GPC5: variants seen among roughly 807,000 people sequenced by gnomAD.
GPC5 encodes glypican-5.
A neutral mutation model predicts 53.9 loss-of-function variants in GPC5; 47 were observed. The observed-to-expected ratio is 0.87, with a 90% CI of 0.69 to 1.11. GPC5 has a LOEUF of 1.11. Ranked by LOEUF, GPC5 falls within the 50% of genes most tolerant of loss-of-function variation. The pLI, the probability that GPC5 is intolerant of heterozygous loss-of-function variation, is 0.00. For missense variants in GPC5, 748 were observed against 713.1 expected, an observed-to-expected ratio of 1.05 and a Z score of -0.56; for synonymous variants, 286 against 263.3, an observed-to-expected ratio of 1.09 and a Z score of -0.84.
intron 1 of GPC5, among the ~76,000 whole-genome samples, chr13:91,426,326 G>C (rs1227367108): frequency 2.0e-5 from 3 of 152,122 alleles, no homozygotes; most frequent in African/African-American, 7.2e-5. Flanking sequence ...CTCTGCTGCT[G>C]TGTGCAGCAT....
intron 7 of GPC5, among the ~76,000 whole-genome samples, chr13:92,155,426 T>C (rs376790090): frequency 2.7e-4 from 41 of 152,292 alleles, no homozygotes; most frequent in African/African-American, 9.4e-4. Flanking sequence ...TATTTTGTGT[T>C]GGTAGCTCTG....
chr13:92,415,275 G>A (rs1876236973), intron 7 of GPC5, among the ~76,000 whole-genome samples: 1 of 152,218 alleles, frequency 6.6e-6, no homozygotes, highest in Non-Finnish European at 1.5e-5. Flanking sequence ...ACTCCAGAGA[G>A]TGGAGTGAAT....
intron 6 of GPC5, among the ~76,000 whole-genome samples, chr13:92,072,463 C>T (rs1365753191): frequency 1.3e-5 from 2 of 151,578 alleles, no homozygotes; most frequent in Non-Finnish European, 2.9e-5. Flanking sequence ...GACGGGGTTT[C>T]ACCATATTGG....
intron 2 of GPC5, among the ~76,000 whole-genome samples, chr13:91,581,740 C>T (rs1246265631): frequency 6.6e-6 from 1 of 152,058 alleles, no homozygotes; most frequent in Non-Finnish European, 1.5e-5. Flanking sequence ...AGTGTAACGA[C>T]TTCTCAATCA....
intron 2 of GPC5, among the ~76,000 whole-genome samples, chr13:91,645,075 G>T (rs2139515019): frequency 6.6e-6 from 1 of 152,286 alleles, no homozygotes; most frequent in Non-Finnish European, 1.5e-5. Context: ...TTCATTTCCT[G>T]GCTTTACCAC....
intron 2 of GPC5, among the ~76,000 whole-genome samples, chr13:91,668,259 G>T (rs1432237921): frequency 6.6e-6 from 1 of 152,214 alleles, no homozygotes; most frequent in Non-Finnish European, 1.5e-5. Context: ...GCCACATCCA[G>T]CTGGGGCTTT....
intron 7 of GPC5, among the ~76,000 whole-genome samples, chr13:92,152,758 T>G (rs1043764739): frequency 2.1e-5 from 3 of 142,776 alleles, no homozygotes; most frequent in Non-Finnish European, 4.6e-5. Flanking sequence ...AAAAAAAAAA[T>G]TGGGCAAAGT....
chr13:91,486,323 T>G (rs1883605278), intron 2 of GPC5: 1 of 152,196 alleles, frequency 6.6e-6, no homozygotes, highest in Admixed American at 6.5e-5. Flanking sequence ...AGTTGACAAT[T>G]TGCCTCTCTG....
At chr13:92,584,637 G>A (rs1235337620) in intron 7 of GPC5, among the ~76,000 whole-genome samples, 1 of 152,170 alleles carries the variant, frequency 6.6e-6, no homozygotes, top group Admixed American at 6.5e-5. Flanking sequence ...TAAGTAACTA[G>A]GAGGCGAATG....
At chr13:92,020,846 T>C (rs2040751846) in intron 6 of GPC5, among the ~76,000 whole-genome samples, 2 of 152,138 alleles carry the variant, frequency 1.3e-5, no homozygotes, top group Admixed American at 1.3e-4. Flanking sequence ...GTTACAATCC[T>C]ACTTGTGTAT....
intron 7 of GPC5, among the ~76,000 whole-genome samples, chr13:92,173,849 A>G (rs914697597): frequency 3.3e-5 from 5 of 152,200 alleles, no homozygotes; most frequent in Admixed American, 3.3e-4. Context: ...CACACACCTA[A>G]TTCCCAGCAC....
chr13:91,894,037 A>AT (rs1192764108), intron 5 of GPC5, among the ~76,000 whole-genome samples: 1 of 151,640 alleles, frequency 6.6e-6, no homozygotes, highest in Admixed American at 6.6e-5. Flanking sequence ...TGAGATCAAG[A>AT]TTTTGTCCTT....
chr13:92,744,249 C>T (rs1250319338), intron 7 of GPC5, among the ~76,000 whole-genome samples: 1 of 151,762 alleles, frequency 6.6e-6, no homozygotes, highest in Non-Finnish European at 1.5e-5. Context: ...AAAATATGTA[C>T]ATAGAGCTGA....
At chr13:91,884,255 A>T (rs986536987) in intron 5 of GPC5, among the ~76,000 whole-genome samples, 1 of 152,120 alleles carries the variant, frequency 6.6e-6, no homozygotes, top group Non-Finnish European at 1.5e-5. Flanking sequence ...GGGTATATAT[A>T]CTCAAAGGAA....
Position 91,728,684 on chromosome 13 carries a change from A to C in GPC5, c.1154+19A>C. 1 of 1,601,820 alleles carries C rather than the reference A, an allele frequency of 6.2e-7. No individual in the cohort carries two copies. Among genetic ancestry groups the C allele is most frequent in the Non-Finnish European group, 8.5e-7 (1 of 1,174,984 alleles). ...GAAGAAAGTAAGACATTTGTTTTACAACCAGAAAGAGAAAAGAAAGTAAGC... is the reference window on the plus strand; with the variant it reads ...GAAGAAAGTAAGACATTTGTTTTACCACCAGAAAGAGAAAAGAAAGTAAGC... On this transcript the variant is annotated intron_variant, in intron 4 of 7. Transcript: ENST00000377067.
intron 7 of GPC5, among the ~76,000 whole-genome samples, chr13:92,808,908 A>AT (rs1363740657): frequency 6.6e-6 from 1 of 152,104 alleles, no homozygotes; most frequent in Non-Finnish European, 1.5e-5. Context: ...ATGAGACCAC[A>AT]TTTTACCTGC....
chr13:92,069,702 A>C (rs1399907704), intron 6 of GPC5, among the ~76,000 whole-genome samples: 1 of 152,100 alleles, frequency 6.6e-6, no homozygotes, highest in Non-Finnish European at 1.5e-5. Flanking sequence ...TTCATTTACA[A>C]AATGTATAAG....
intron 7 of GPC5, among the ~76,000 whole-genome samples, chr13:92,307,758 AAAC>A (rs1176817105): frequency 6.6e-6 from 1 of 152,238 alleles, no homozygotes; most frequent in Non-Finnish European, 1.5e-5. Context: ...GAAAAAGAGA[AAAC>A]AAAGGAAGGA....
intron 7 of GPC5, among the ~76,000 whole-genome samples, chr13:92,420,344 T>G (rs1876501822): frequency 6.6e-6 from 1 of 152,154 alleles, no homozygotes; most frequent in Non-Finnish European, 1.5e-5. Context: ...AATTTTCTTT[T>G]TTTAATTTTT....
Sources: allele counts gnomAD v4.1 joint callset (sites outside exome capture counted in the v4.1 genomes callset), GRCh38; gene constraint gnomAD v4.1.1; transcripts MANE v1.5; gene names NCBI Gene and HGNC (gene_info 2026-07-23, HGNC 2026-07-21).